COL5A1: variants seen among roughly 807,000 people sequenced by gnomAD.
COL5A1 encodes collagen type V alpha 1 chain.
COL5A1 carries 16 observed loss-of-function variants against 263.7 expected under a neutral mutation model. That is an observed-to-expected ratio of 0.06 (90% CI 0.04 to 0.09). The LOEUF (loss-of-function observed/expected upper bound fraction) is 0.09, where lower values mean the gene tolerates loss of function less well. Ranked by LOEUF, COL5A1 falls within the 10% of genes least tolerant of loss-of-function variation. The pLI, the probability that COL5A1 is intolerant of heterozygous loss-of-function variation, is 1.00. For missense variants in COL5A1, 2,036 were observed against 2,540.5 expected, an observed-to-expected ratio of 0.80 and a Z score of 4.27; for synonymous variants, 1,012 against 1,004.5, an observed-to-expected ratio of 1.01 and a Z score of -0.14.
In COL5A1 at chr9:134,702,249, G is replaced by A. The variant is rs143853944; in HGVS notation, c.654+916G>A. ...TTGCAGAAGATTTGGTTTTGCACCCGGGTCTCTGTGGCTAAAACCTGTTCG... is the reference window on the plus strand; with the variant it reads ...TTGCAGAAGATTTGGTTTTGCACCCAGGTCTCTGTGGCTAAAACCTGTTCG... On this transcript the variant is annotated intron_variant, in intron 4 of 65. Transcript: ENST00000371817. Among the ~76,000 whole-genome samples, 142 of 152,330 alleles carry A rather than the reference G, an allele frequency of 9.3e-4. No individual in the cohort carries two copies. In the Middle Eastern group the frequency reaches 0.024, roughly 26 times the overall value.
intron 31 of COL5A1, among the ~76,000 whole-genome samples, chr9:134,786,859 G>A (rs1488117704): frequency 2.0e-5 from 3 of 152,126 alleles, no homozygotes; most frequent in Non-Finnish European, 4.4e-5. Context: ...GCACCTTTTC[G>A]GTCTCACTGG....
intron 61 of COL5A1, among the ~76,000 whole-genome samples, chr9:134,824,064 G>A (rs896650237): frequency 2.0e-5 from 3 of 152,276 alleles, no homozygotes; most frequent in Admixed American, 2.0e-4. Context: ...GGCCCTGGAG[G>A]TGAAAGGTGA....
In COL5A1 at chr9:134,696,334, C is replaced by T. The variant is rs186813097; in HGVS notation, c.278-3575C>T. Among the ~76,000 whole-genome samples, 10 of 152,152 alleles carry T rather than the reference C, an allele frequency of 6.6e-5. No individual in the cohort carries two copies. The highest frequency in any genetic ancestry group is 2.1e-4 in the South Asian group (1 of 4,818). On this transcript the variant is annotated intron_variant, in intron 2 of 65. Transcript: ENST00000371817. This position sits in a 1 kb window ranked among gnomAD's most constrained non-coding sequence, Gnocchi z 4.3. ...GATTACAGGTGTGTGCCACCACACC[C>T]GGCTAATTTTTTTTATATTTTTGGC... is the stretch of plus-strand genomic sequence containing the variant.
rs1831332842 is a variant in COL5A1 at position 134,642,572 on chromosome 9, G to C, written c.109+276G>C. 6.6e-6 allele frequency among the ~76,000 whole-genome samples: 1 copy of C among 152,190 alleles called. No homozygotes were observed. The highest frequency in any genetic ancestry group is 1.5e-5 in the Non-Finnish European group (1 of 68,020). On this transcript the variant is annotated intron_variant, in intron 1 of 65. Transcript: ENST00000371817. This position sits in a 1 kb window ranked among gnomAD's most constrained non-coding sequence, Gnocchi z 4.5. The stretch of plus-strand genomic sequence containing the variant: ...GACCGAGGGCTGGATCAGCAGGAGG[G>C]GTTGTCCACGAGGCGGGCAAACTTT...
At chr9:134,674,560 A>G (rs935969787) in intron 1 of COL5A1, among the ~76,000 whole-genome samples, 33 of 152,040 alleles carry the variant, frequency 2.2e-4, no homozygotes, top group African/African-American at 7.5e-4. Context: ...AGCACTATCC[A>G]TTTGTCCAAA....
intron 59 of COL5A1, among the ~76,000 whole-genome samples, chr9:134,822,615 G>A (rs1249552996): frequency 6.6e-5 from 10 of 151,930 alleles, no homozygotes; most frequent in Non-Finnish European, 1.0e-4. Context: ...CATGGCCCCC[G>A]GGGGCCCCTG....
intron 42 of COL5A1, among the ~76,000 whole-genome samples, chr9:134,807,249 C>T (rs913621339): frequency 3.9e-5 from 6 of 152,212 alleles, no homozygotes; most frequent in African/African-American, 1.2e-4. Context: ...CGGTGCAGAC[C>T]ATCTCAAATT....
Position 134,742,705 on chromosome 9 carries a change from C to A in COL5A1, c.1494+3897C>A, listed in dbSNP as rs1472444764. Among the ~76,000 whole-genome samples, 1 of 152,156 alleles carries A rather than the reference C, an allele frequency of 6.6e-6. No individual in the cohort carries two copies. The highest frequency in any genetic ancestry group is 1.5e-5 in the Non-Finnish European group (1 of 68,024). The stretch of plus-strand genomic sequence containing the variant: ...CTGGCTTCTGTGCCACCTGCCAGTG[C>A]GTTTCTGTAGGGGCTGACTCTTTTG... On this transcript the variant is annotated intron_variant, in intron 11 of 65. Transcript: ENST00000371817. This position sits in a 1 kb window ranked among gnomAD's most constrained non-coding sequence, Gnocchi z 4.6.
chr9:134,677,627 C>T lies in COL5A1; in HGVS notation c.110-13285C>T, dbSNP rs1296304980. Among the ~76,000 whole-genome samples the T allele has an allele frequency of 6.6e-6, 1 of 152,194 alleles. No individual in the cohort carries two copies. The highest frequency in any genetic ancestry group is 1.5e-5 in the Non-Finnish European group (1 of 68,032). The stretch of plus-strand genomic sequence containing the variant: ...TTGGCACAGCCACCCTTCATCCAGC[C>T]GTCCCTGGGGCCATTCTTCAAGCGC... On this transcript the variant is annotated intron_variant, in intron 1 of 65. Coordinates refer to ENST00000371817, the MANE Select transcript of COL5A1 (RefSeq NM_000093.5). This position sits in a 1 kb window ranked among gnomAD's most constrained non-coding sequence, Gnocchi z 4.4.
Position 134,701,325 on chromosome 9 carries a change from G to T in COL5A1, c.646G>T (p.Val216Leu), listed in dbSNP as rs1291246867. ...TGGCACCCGGATCCTGGATGAGGAG[G>T]TGTTTGAGGTGAGCAGGAGGGCAGA... ...VFGTRILDEE[V>L]FEGDIQQLLF... The change falls in exon 4 of 66, where the codon GTG becomes TTG. Residue 216 changes from valine to leucine, a missense_variant. Physicochemically the swap from Val to Leu is conservative, Grantham distance 32. Around this residue, in one of 3 missense-constraint regions of COL5A1, gnomAD observed 600 missense variants for 634.5 expected, o/e 0.95. Transcript: ENST00000371817. 6.2e-7 allele frequency: 1 copy of T among 1,613,668 alleles called. No individual in the cohort carries two copies. Among genetic ancestry groups the T allele is most frequent in the South Asian group, 1.1e-5 (1 of 90,962 alleles).
In COL5A1 at chr9:134,818,714, C is replaced by A. The variant is rs765920886; in HGVS notation, c.4289C>A (p.Ala1430Asp). 1 of 1,610,914 alleles carries A rather than the reference C, an allele frequency of 6.2e-7. No individual in the cohort carries two copies. Among genetic ancestry groups the A allele is most frequent in the African/African-American group, 1.3e-5 (1 of 74,962 alleles). Residue 1430 changes from alanine (A) to aspartate (D), a missense_variant, in exon 55 of 66, where the codon GCC (alanine) becomes GAC (aspartate). This residue lies in a region of COL5A1 where 1,078 missense variants were observed against 1,521.4 expected (regional missense o/e 0.71). Transcript: ENST00000371817. The surrounding 1 kb of genome is among the most constrained non-coding windows in gnomAD (Gnocchi z 6.0). ...GKTGPIGPQGAPGKPGPDGLR... is the reference protein window; with the variant it reads ...GKTGPIGPQGDPGKPGPDGLR... The stretch of plus-strand genomic sequence containing the variant: ...ACTGGCCCCATCGGCCCCCAGGGGG[C>A]CCCTGGGAAGCCCGGACCGGATGGC...
chr9:134,768,271 A>G (rs529788905), intron 24 of COL5A1, 139 bp from the exon 25 acceptor site: 3 of 821,682 alleles, frequency 3.7e-6, no homozygotes, highest in African/African-American at 1.7e-5. Flanking sequence ...CCTCACAGCC[A>G]GGGACCCAGT....
rs79297176 is a variant in COL5A1 at position 134,723,520 on chromosome 9, C to G, written c.655-3746C>G. 3.0e-3 allele frequency among the ~76,000 whole-genome samples: 460 copies of G among 152,346 alleles called. 2 individuals are homozygous for G. The highest frequency in any genetic ancestry group is 1.0e-2 in the African/African-American group (414 of 41,584). On this transcript the variant is annotated intron_variant, in intron 4 of 65. Coordinates refer to ENST00000371817, the MANE Select transcript of COL5A1 (RefSeq NM_000093.5). ...ACACATAGGCTCCAGGTCCTGGCCA[C>G]TGCTTCTGTGGCTCTGCAGTTGGGA... is the stretch of plus-strand genomic sequence containing the variant.
At chr9:134,743,595 A>G (rs1424708228) in intron 11 of COL5A1, among the ~76,000 whole-genome samples, 2 of 152,094 alleles carry the variant, frequency 1.3e-5, no homozygotes, top group South Asian at 2.1e-4. Context: ...CTTTCTCCAA[A>G]TTGCCACACA....
At chr9:134,702,422 G>C (rs917438916) in intron 4 of COL5A1, among the ~76,000 whole-genome samples, 1 of 151,910 alleles carries the variant, frequency 6.6e-6, no homozygotes, top group Non-Finnish European at 1.5e-5. Context: ...CTACACATCG[G>C]TTCTGCATCC....
Position 134,742,858 on chromosome 9 carries a change from C to A in COL5A1, c.1494+4050C>A. Among the ~76,000 whole-genome samples, 1 of 152,318 alleles carries A rather than the reference C, an allele frequency of 6.6e-6. No homozygotes were observed. Among genetic ancestry groups the A allele is most frequent in the Middle Eastern group, 3.4e-3 (1 of 294 alleles). On this transcript the variant is annotated intron_variant, in intron 11 of 65. Transcript: ENST00000371817. This position sits in a 1 kb window ranked among gnomAD's most constrained non-coding sequence, Gnocchi z 4.6. ...GGGTCGCTGAGCAGTGTTTGCCCAG[C>A]GAAGCCCTTCCCTGGGCTCCTCGGG... is the stretch of plus-strand genomic sequence containing the variant.
intron 1 of COL5A1, among the ~76,000 whole-genome samples, chr9:134,663,086 T>C (rs1293035916): frequency 2.0e-5 from 3 of 152,242 alleles, no homozygotes; most frequent in Non-Finnish European, 4.4e-5. Context: ...GAAGAGACCA[T>C]GTTCTCAAAA....
chr9:134,820,062 G>T, intron 57 of COL5A1, 54 bp from the exon 58 acceptor site: 2 of 1,392,202 alleles, frequency 1.4e-6, no homozygotes, highest in Non-Finnish European at 2.0e-6. Flanking sequence ...CACCGTGGCC[G>T]AGCATGAGGC....
intron 1 of COL5A1, among the ~76,000 whole-genome samples, chr9:134,667,676 G>T (rs959211194): frequency 6.6e-6 from 1 of 152,162 alleles, no homozygotes; most frequent in Non-Finnish European, 1.5e-5. Flanking sequence ...TCTGCTTAGA[G>T]GTGCCCCACC....
Sources: allele counts gnomAD v4.1 joint callset (sites outside exome capture counted in the v4.1 genomes callset), GRCh38; gene constraint gnomAD v4.1.1; regional missense constraint gnomAD v4.1.1; non-coding constraint Gnocchi (gnomAD v3.1); transcripts MANE v1.5; gene names NCBI Gene and HGNC (gene_info 2026-07-23, HGNC 2026-07-21).